Variants in PSD3 observed in about 807,000 individuals in gnomAD.
PSD3 encodes PH and SEC7 domain-containing protein 3.
Under a neutral mutation model 105.5 loss-of-function variants are expected in PSD3, and 49 were observed. The ratio of observed to expected loss-of-function variants is 0.46; its 90% confidence interval spans 0.37 to 0.59. PSD3 has a LOEUF of 0.59. Among genes scored for constraint, PSD3 ranks in the 20% least tolerant of loss-of-function variants. PSD3 has a pLI of 0.00. For missense variants in PSD3, 1,561 were observed against 1,263.8 expected (o/e 1.24, Z -3.57); for synonymous variants, 557 against 457.8 (o/e 1.22, Z -2.77).
intron 2 of PSD3, among the ~76,000 whole-genome samples, chr8:18,928,671 TCTTC>T (rs1201386629): frequency 2.0e-5 from 3 of 152,116 alleles, no homozygotes; most frequent in African/African-American, 2.4e-5. Context: ...TCTCTCTCTT[TCTTC>T]CTTCCTTCCT....
chr8:18,809,027 C>A lies in PSD3; in HGVS notation c.1635-4129G>T, dbSNP rs535623756. On this transcript the variant is annotated intron_variant, in intron 4 of 15. Transcript: ENST00000327040. ...CACAAGGGCCACTGTCTATCGAGAA[C>A]GTAAGAAACAGTGAGCCCAGCCTCG... The A allele has an allele frequency of 4.0e-6, 4 of 998,500 alleles. No homozygotes were observed. In the South Asian group the frequency reaches 6.7e-5, roughly 17 times the overall value. The allele number at this position is 998,500 out of a possible 1,614,324, so 61.9% of individuals were successfully genotyped here.
At chr8:18,578,573 G>A (rs532546132) in intron 12 of PSD3, among the ~76,000 whole-genome samples, 45 of 152,130 alleles carry the variant, frequency 3.0e-4, no homozygotes, top group Middle Eastern at 3.4e-3. Context: ...ACTGCTACAG[G>A]TGAATAGGAA....
At chr8:18,691,109 G>C (rs898801185) in intron 9 of PSD3, among the ~76,000 whole-genome samples, 12 of 152,214 alleles carry the variant, frequency 7.9e-5, no homozygotes, top group African/African-American at 2.6e-4. Flanking sequence ...GATTCCATCT[G>C]TTCCTCAAAC....
At chr8:18,546,442 A>G (rs1338093222) in intron 15 of PSD3, among the ~76,000 whole-genome samples, 3 of 152,182 alleles carry the variant, frequency 2.0e-5, no homozygotes, top group African/African-American at 7.2e-5. Context: ...AGTGAGCCAT[A>G]AGTTATGTGT....
chr8:18,774,713 G>A (rs1209497192), intron 8 of PSD3: 9 of 361,936 alleles, frequency 2.5e-5, no homozygotes, highest in African/African-American at 8.5e-5. Flanking sequence ...AGAACTTCCT[G>A]AGGTTTGTTT....
chr8:18,603,048 A>C (rs1349838816), intron 11 of PSD3, among the ~76,000 whole-genome samples: 3 of 152,226 alleles, frequency 2.0e-5, no homozygotes, highest in African/African-American at 7.2e-5. Context: ...CTTTAACTAC[A>C]AGGGCTGTGG....
chr8:18,839,171 C>A, intron 4 of PSD3, among the ~76,000 whole-genome samples: 1 of 152,022 alleles, frequency 6.6e-6, no homozygotes. Context: ...TTCCCAGGAT[C>A]CTAACTTGAG....
intron 1 of PSD3, among the ~76,000 whole-genome samples, chr8:18,970,338 A>AAAG (rs1554556359): frequency 6.7e-6 from 1 of 149,934 alleles, no homozygotes; most frequent in Non-Finnish European, 1.5e-5. Context: ...AAAAAAAAAA[A>AAAG]AAAAAAAAAA....
chr8:18,646,927 T>C (rs752243621), intron 10 of PSD3, among the ~76,000 whole-genome samples: 5 of 152,188 alleles, frequency 3.3e-5, no homozygotes, highest in African/African-American at 4.8e-5. Context: ...TGGAACTAGT[T>C]ACCAATTTCA....
rs28429797 is a variant in PSD3, at chr8:19,022,706, G to C, written c.324+61500C>G. ...TTTGAACTCCTTTTACTAGGCTTGG[G>C]GCTGGAGAGTAGCACCCAGCTCTCT... On this transcript the variant is annotated intron_variant, in intron 1 of 1. Transcript: ENST00000521475. 8.1e-3 allele frequency among the ~76,000 whole-genome samples: 1,240 copies of C among 152,260 alleles called. 17 individuals are homozygous for C. Among genetic ancestry groups the C allele is most frequent in the African/African-American group, 0.029 (1,186 of 41,540 alleles).
chr8:18,740,163 C>CT (rs1314479419), intron 9 of PSD3, among the ~76,000 whole-genome samples: 1 of 152,136 alleles, frequency 6.6e-6, no homozygotes, highest in East Asian at 1.9e-4. Flanking sequence ...CGTTGCTTTC[C>CT]TGTCTTCTGT....
chr8:18,949,749 C>T (rs1345350012), intron 1 of PSD3, among the ~76,000 whole-genome samples: 1 of 152,132 alleles, frequency 6.6e-6, no homozygotes, highest in Non-Finnish European at 1.5e-5. Context: ...AAACACATGT[C>T]TGTAAGGACA....
At chr8:19,009,123 T>A (rs1017411480) in intron 1 of PSD3, among the ~76,000 whole-genome samples, 5 of 152,224 alleles carry the variant, frequency 3.3e-5, no homozygotes, top group Non-Finnish European at 7.3e-5. Flanking sequence ...CCTACAGAGA[T>A]CCTTTTAGAC....
At chr8:18,883,972 G>C (rs1818290127) in intron 2 of PSD3, among the ~76,000 whole-genome samples, 1 of 152,074 alleles carries the variant, frequency 6.6e-6, no homozygotes. Context: ...TTAATATTAT[G>C]TTAGTACAAG....
intron 14 of PSD3, among the ~76,000 whole-genome samples, chr8:18,558,394 T>A (rs993409522): frequency 6.6e-6 from 1 of 152,142 alleles, no homozygotes; most frequent in South Asian, 2.1e-4. Flanking sequence ...GAATGATATA[T>A]GAAAAACACC....
chr8:18,863,261 G>A (rs1045198435), intron 4 of PSD3, among the ~76,000 whole-genome samples: 1 of 152,214 alleles, frequency 6.6e-6, no homozygotes, highest in African/African-American at 2.4e-5. Context: ...ACTGATTGAA[G>A]TTGTGGTCAT....
chr8:18,892,577 G>A (rs531172743), intron 2 of PSD3, among the ~76,000 whole-genome samples: 1 of 149,958 alleles, frequency 6.7e-6, no homozygotes, highest in Non-Finnish European at 1.5e-5. Context: ...TTTAGTCATT[G>A]TTGAGTAGTC....
intron 1 of PSD3, among the ~76,000 whole-genome samples, chr8:18,995,711 C>T (rs1348125807): frequency 4.6e-5 from 7 of 151,984 alleles, no homozygotes; most frequent in South Asian, 2.1e-4. Flanking sequence ...GGAAAGCAAA[C>T]GGCCAAAGGC....
intron 10 of PSD3, among the ~76,000 whole-genome samples, chr8:18,637,507 T>C (rs1181613803): frequency 6.6e-6 from 1 of 152,194 alleles, no homozygotes; most frequent in Non-Finnish European, 1.5e-5. Flanking sequence ...GCAACTGACT[T>C]CCATCCCTAT....
Sources: allele counts gnomAD v4.1 joint callset (sites outside exome capture counted in the v4.1 genomes callset), GRCh38; gene constraint gnomAD v4.1.1; transcripts MANE v1.5; gene names NCBI Gene and HGNC (gene_info 2026-07-23, HGNC 2026-07-21).